Variants in AGBL4 observed in about 807,000 individuals in gnomAD.
AGBL4 encodes the protein cytosolic carboxypeptidase 6.
A neutral mutation model predicts 66.4 loss-of-function variants in AGBL4; 58 were observed. The ratio of observed to expected loss-of-function variants is 0.87; its 90% confidence interval spans 0.71 to 1.09. The LOEUF (loss-of-function observed/expected upper bound fraction) is 1.09, where lower values mean the gene tolerates loss of function less well. Ranked by LOEUF, AGBL4 falls within the 50% of genes least tolerant of loss-of-function variation. The pLI is 0.00. For synonymous variants in AGBL4, 234 were observed against 222.9 expected (o/e 1.05, Z -0.44); for missense variants, 579 against 631.0 (o/e 0.92, Z 0.88).
chr1:49,611,692 C>A (rs1403137690), intron 3 of AGBL4, among the ~76,000 whole-genome samples: 1 of 152,042 alleles, frequency 6.6e-6, no homozygotes, highest in Admixed American at 6.6e-5. Flanking sequence ...CAACCATATT[C>A]TTAGAGGTAG....
chr1:49,377,154 G>A (rs1021737315), intron 3 of AGBL4, among the ~76,000 whole-genome samples: 3 of 152,020 alleles, frequency 2.0e-5, no homozygotes, highest in African/African-American at 4.8e-5. Context: ...AATATCATAT[G>A]AACACCTACT....
chr1:49,557,604 A>T (rs1424404544), intron 3 of AGBL4, among the ~76,000 whole-genome samples: 1 of 152,132 alleles, frequency 6.6e-6, no homozygotes, highest in Non-Finnish European at 1.5e-5. Flanking sequence ...ACCAGAGGGG[A>T]ATCACTGTTT....
chr1:49,249,543 G>C (rs1190280994), intron 3 of AGBL4, among the ~76,000 whole-genome samples: 1 of 152,070 alleles, frequency 6.6e-6, no homozygotes, highest in African/African-American at 2.4e-5. Flanking sequence ...CAATTAGAAT[G>C]GCTATTATCA....
In AGBL4 at chr1:48,817,202, T is replaced by C. The variant is rs1646200588; in HGVS notation, c.634+49989A>G. The stretch of plus-strand genomic sequence containing the variant: ...GTATGACATTTTGAATGTTGCTATT[T>C]CCTGCCCCTAAAGATCCTTTATCAC... On this transcript the variant is annotated intron_variant, in intron 6 of 13. Transcript: ENST00000371839. Among the ~76,000 whole-genome samples the C allele has an allele frequency of 2.6e-5, 4 of 152,222 alleles. No individual in the cohort carries two copies. The South Asian group carries it at 8.3e-4, about 32-fold the overall frequency.
At chr1:49,677,446 C>A (rs1222373004) in intron 3 of AGBL4, among the ~76,000 whole-genome samples, 1 of 151,944 alleles carries the variant, frequency 6.6e-6, no homozygotes, top group Non-Finnish European at 1.5e-5. Flanking sequence ...CTGGAAAAAA[C>A]CCCACTTAGT....
At chr1:48,708,591 C>T (rs1203540134) in intron 6 of AGBL4, among the ~76,000 whole-genome samples, 1 of 152,158 alleles carries the variant, frequency 6.6e-6, no homozygotes, top group African/African-American at 2.4e-5. Context: ...AGCAATGGCA[C>T]CTACTGAAAT....
chr1:48,568,269 T>C (rs1392465155), intron 11 of AGBL4, among the ~76,000 whole-genome samples: 1 of 152,114 alleles, frequency 6.6e-6, no homozygotes, highest in Admixed American at 6.6e-5. Flanking sequence ...AATGATTTCA[T>C]CTATTTTTTT....
chr1:48,536,969 G>T (rs1643982458), intron 12 of AGBL4, among the ~76,000 whole-genome samples: 2 of 152,164 alleles, frequency 1.3e-5, no homozygotes, highest in Admixed American at 1.3e-4. Context: ...AATGATGCCG[G>T]CAGGCTTCTG....
intron 1 of AGBL4, among the ~76,000 whole-genome samples, chr1:49,891,786 T>C (rs1571815641): frequency 6.6e-6 from 1 of 152,134 alleles, no homozygotes; most frequent in Non-Finnish European, 1.5e-5. Flanking sequence ...CAGACTCTCC[T>C]CCATCCAGTA....
rs553784689 is a variant in AGBL4, at chr1:48,556,978, C to T, written c.1268-17240G>A. Among the ~76,000 whole-genome samples, 21 of 152,044 alleles carry T rather than the reference C, an allele frequency of 1.4e-4. No individual in the cohort carries two copies. In the South Asian group the frequency reaches 2.9e-3, roughly 21 times the overall value. On this transcript the variant is annotated intron_variant, in intron 11 of 13. Transcript: ENST00000371839. ...CTAATTTTTTGTATTTTAGTAGAGACGGGATTTCACTATGTTGCCCAGGGT... is the reference window on the plus strand; with the variant it reads ...CTAATTTTTTGTATTTTAGTAGAGATGGGATTTCACTATGTTGCCCAGGGT...
intron 3 of AGBL4, among the ~76,000 whole-genome samples, chr1:49,336,594 C>A (rs926247256): frequency 2.6e-5 from 4 of 152,286 alleles, no homozygotes; most frequent in African/African-American, 9.6e-5. Context: ...CAATTATAAT[C>A]CCTTAGATCT....
chr1:48,562,423 G>T (rs1050665269), intron 11 of AGBL4, among the ~76,000 whole-genome samples: 49 of 152,080 alleles, frequency 3.2e-4, no homozygotes, highest in Non-Finnish European at 4.0e-4. Context: ...TCTTATTGAA[G>T]GCTTAACCTC....
intron 2 of AGBL4, among the ~76,000 whole-genome samples, chr1:49,707,749 T>A (rs992167279): frequency 6.6e-6 from 1 of 152,146 alleles, no homozygotes; most frequent in African/African-American, 2.4e-5. Context: ...GCAGGCCTGG[T>A]GGTGACAAAA....
At chr1:49,710,564 G>A (rs1647580726) in intron 2 of AGBL4, among the ~76,000 whole-genome samples, 1 of 151,854 alleles carries the variant, frequency 6.6e-6, no homozygotes, top group Non-Finnish European at 1.5e-5. Context: ...TTCTGCACAT[G>A]TATCCCAGAA....
chr1:48,581,906 A>G (rs2803275), intron 11 of AGBL4, among the ~76,000 whole-genome samples: 115,538 of 152,166 alleles, frequency 0.76, 44,645 homozygotes, highest in Non-Finnish European at 0.84. Context: ...TGACACCAGC[A>G]CTGTATTCTT....
chr1:49,128,078 T>G (rs1645802824), intron 4 of AGBL4, among the ~76,000 whole-genome samples: 1 of 151,986 alleles, frequency 6.6e-6, no homozygotes, highest in African/African-American at 2.4e-5. Context: ...TTATGTCAGG[T>G]ATTTAAAGGA....
At chr1:49,680,238 A>C (rs1423876131) in intron 3 of AGBL4, among the ~76,000 whole-genome samples, 1 of 151,576 alleles carries the variant, frequency 6.6e-6, no homozygotes, top group African/African-American at 2.4e-5. Flanking sequence ...ATTAGTAGAG[A>C]TGGGGTTTCA....
At chr1:48,590,745 C>A (rs1644902238) in intron 10 of AGBL4, 88 bp downstream of exon 10, 6 of 1,439,156 alleles carry the variant, frequency 4.2e-6, no homozygotes, top group Non-Finnish European at 2.8e-6. Context: ...TCCCGTGGAG[C>A]TTAAAGCAAA....
intron 4 of AGBL4, among the ~76,000 whole-genome samples, chr1:49,049,413 A>T (rs567342396): frequency 6.6e-6 from 1 of 152,274 alleles, no homozygotes; most frequent in Admixed American, 6.5e-5. Flanking sequence ...TTATATAAAA[A>T]GATTTTTATC....
Sources: allele counts gnomAD v4.1 joint callset (sites outside exome capture counted in the v4.1 genomes callset), GRCh38; gene constraint gnomAD v4.1.1; transcripts MANE v1.5; gene names NCBI Gene and HGNC (gene_info 2026-07-23, HGNC 2026-07-21).